EYS: variants seen among roughly 807,000 people sequenced by gnomAD.
The protein encoded by EYS is EGF-like photoreceptor maintenance factor.
A neutral mutation model predicts 282.1 loss-of-function variants in EYS; 250 were observed. The ratio of observed to expected loss-of-function variants is 0.89; its 90% CI spans 0.80 to 0.98. The LOEUF (loss-of-function observed/expected upper bound fraction) is 0.98. Ranked by LOEUF, EYS falls within the 50% of genes least tolerant of loss-of-function variation. EYS has a pLI of 0.00. For synonymous variants in EYS, 1,355 were observed against 1,282.9 expected, an observed-to-expected ratio of 1.06 and a Z score of -1.20; for missense variants, 4,016 against 3,709.0, an observed-to-expected ratio of 1.08 and a Z score of -2.15.
At chr6:65,296,190 A>G (rs553264808) in intron 11 of EYS, 71 bp from the exon 12 acceptor site, 3 of 1,315,970 alleles carry the variant, frequency 2.3e-6, no homozygotes, top group Non-Finnish European at 3.1e-6. Flanking sequence ...TATTTAAATC[A>G]CACATTTATT....
At chr6:64,095,584 G>GT (rs1382065132) in intron 31 of EYS, among the ~76,000 whole-genome samples, 4 of 151,640 alleles carry the variant, frequency 2.6e-5, no homozygotes, top group Non-Finnish European at 5.9e-5. Context: ...AACCCCTGCC[G>GT]TTTTTTGTTT....
At chr6:63,842,364 T>C (rs1218604055) in intron 36 of EYS, among the ~76,000 whole-genome samples, 9 of 152,260 alleles carry the variant, frequency 5.9e-5, no homozygotes, top group Admixed American at 5.9e-4. Flanking sequence ...TGACCAGTGA[T>C]GATGAGCTTT....
intron 31 of EYS, among the ~76,000 whole-genome samples, chr6:64,090,369 G>A (rs1772313199): frequency 6.6e-6 from 1 of 151,976 alleles, no homozygotes; most frequent in South Asian, 2.1e-4. Context: ...GATTCACTTG[G>A]AAAAATATAG....
intron 32 of EYS, among the ~76,000 whole-genome samples, chr6:64,078,920 G>C (rs1159430192): frequency 1.3e-5 from 2 of 152,082 alleles, no homozygotes; most frequent in Non-Finnish European, 2.9e-5. Flanking sequence ...TGAGCCAGGA[G>C]CGTGAACCCA....
chr6:64,838,485 T>G (rs1278848857), intron 19 of EYS, among the ~76,000 whole-genome samples: 4 of 151,960 alleles, frequency 2.6e-5, no homozygotes, highest in African/African-American at 7.2e-5. Context: ...ACACAGCATT[T>G]GCAGGCTTGC....
chr6:65,423,906 A>C (rs1368755545), intron 5 of EYS, among the ~76,000 whole-genome samples: 1 of 151,904 alleles, frequency 6.6e-6, no homozygotes, highest in Non-Finnish European at 1.5e-5. Context: ...ATTTAATTAT[A>C]TTTGTTGAAT....
At chr6:64,616,506 TTCTACAA>T (rs139844339) in intron 24 of EYS, among the ~76,000 whole-genome samples, 224 of 152,264 alleles carry the variant, frequency 1.5e-3, no homozygotes, top group African/African-American at 5.1e-3. Context: ...GCCCAGGTCC[TTCTACAA>T]TTGATTTTTC....
At chr6:64,162,539 A>C (rs1035521199) in intron 31 of EYS, among the ~76,000 whole-genome samples, 4 of 152,108 alleles carry the variant, frequency 2.6e-5, no homozygotes, top group African/African-American at 9.7e-5. Flanking sequence ...CCCTCTGCTA[A>C]AATCATATAG....
chr6:65,077,075 C>A (rs1311669458), intron 12 of EYS, among the ~76,000 whole-genome samples: 1 of 151,954 alleles, frequency 6.6e-6, no homozygotes, highest in Non-Finnish European at 1.5e-5. Flanking sequence ...TACCTGTAGT[C>A]ACGTCTACAC....
At chr6:64,945,148 A>G (rs74391459) in intron 15 of EYS, among the ~76,000 whole-genome samples, 8 of 150,442 alleles carry the variant, frequency 5.3e-5, no homozygotes, top group African/African-American at 1.9e-4. Context: ...AAAAAAAAGA[A>G]TGGGAAAAAT....
chr6:65,231,066 C>A (rs1318257430), intron 12 of EYS, among the ~76,000 whole-genome samples: 1 of 138,702 alleles, frequency 7.2e-6, no homozygotes, highest in Non-Finnish European at 1.6e-5. Context: ...TATATATGTA[C>A]TTTTATATAT....
intron 4 of EYS, among the ~76,000 whole-genome samples, chr6:65,492,909 C>CT (rs796147163): frequency 2.0e-5 from 3 of 152,112 alleles, no homozygotes; most frequent in African/African-American, 7.2e-5. Context: ...TCTATTACAT[C>CT]TTTTTATTTT....
chr6:65,476,180 G>T (rs1160593691), intron 5 of EYS, among the ~76,000 whole-genome samples: 1 of 152,032 alleles, frequency 6.6e-6, no homozygotes, highest in East Asian at 1.9e-4. Flanking sequence ...AACACCAAAT[G>T]GTGGCCTCAT....
At chr6:64,690,311 T>G (rs1770332180) in intron 22 of EYS, among the ~76,000 whole-genome samples, 1 of 152,024 alleles carries the variant, frequency 6.6e-6, no homozygotes. Context: ...TGGTGATCAT[T>G]AAAAAGTCAG....
At chr6:64,840,645 C>T (rs1472505599) in intron 19 of EYS, among the ~76,000 whole-genome samples, 1 of 151,994 alleles carries the variant, frequency 6.6e-6, no homozygotes, top group Non-Finnish European at 1.5e-5. Context: ...AAAGGTAAAT[C>T]CATGGGGTAT....
intron 8 of EYS, among the ~76,000 whole-genome samples, chr6:65,354,478 T>A (rs1764401409): frequency 1.3e-5 from 2 of 151,962 alleles, no homozygotes; most frequent in African/African-American, 4.8e-5. Flanking sequence ...AATTTCCTAA[T>A]TGCACAACAA....
chr6:65,090,836 A>C (rs1215438276), intron 12 of EYS, among the ~76,000 whole-genome samples: 1 of 152,048 alleles, frequency 6.6e-6, no homozygotes, highest in Non-Finnish European at 1.5e-5. Flanking sequence ...TGACATCCCT[A>C]CACTGTCATT....
chr6:65,433,424 A>C (rs1275011053), intron 5 of EYS, among the ~76,000 whole-genome samples: 1 of 152,214 alleles, frequency 6.6e-6, no homozygotes, highest in Admixed American at 6.5e-5. Flanking sequence ...GATTTAAAAA[A>C]AACAGAATGC....
intron 13 of EYS, among the ~76,000 whole-genome samples, chr6:65,028,960 T>C (rs80007182): frequency 6.6e-3 from 1,010 of 152,248 alleles, no homozygotes; most frequent in Non-Finnish European, 9.7e-3. Context: ...TATACATTTA[T>C]ATAAGAATTG....
Sources: allele counts gnomAD v4.1 joint callset (sites outside exome capture counted in the v4.1 genomes callset), GRCh38; gene constraint gnomAD v4.1.1; transcripts MANE v1.5; gene names NCBI Gene and HGNC (gene_info 2026-07-23, HGNC 2026-07-21).